AGBL4: variants seen among roughly 807,000 people sequenced by gnomAD.
The protein encoded by AGBL4 is cytosolic carboxypeptidase 6.
In AGBL4, 58 loss-of-function variants were observed where a neutral mutation model predicts 66.4. The observed-to-expected ratio is 0.87, with a 90% CI of 0.71 to 1.09. The LOEUF is 1.09. Among genes scored for constraint, AGBL4 ranks in the 50% least tolerant of loss-of-function variants. The pLI, the probability that AGBL4 is intolerant of heterozygous loss-of-function variation, is 0.00. For synonymous variants in AGBL4, 234 were observed against 222.9 expected (o/e 1.05, Z -0.44); for missense variants, 579 against 631.0 (o/e 0.92, Z 0.88).
At chr1:49,456,718 C>T (rs1041923814) in intron 3 of AGBL4, among the ~76,000 whole-genome samples, 2 of 151,544 alleles carry the variant, frequency 1.3e-5, no homozygotes, top group Admixed American at 6.6e-5. Context: ...TTTTATCCCT[C>T]GCCCCGCTCC....
intron 4 of AGBL4, among the ~76,000 whole-genome samples, chr1:49,093,303 C>T (rs963069026): frequency 7.9e-5 from 12 of 152,084 alleles, no homozygotes; most frequent in African/African-American, 1.7e-4. Flanking sequence ...AACAACACAA[C>T]GCATCTTGAA....
chr1:48,934,648 C>T (rs1655305887), intron 5 of AGBL4, among the ~76,000 whole-genome samples: 1 of 152,164 alleles, frequency 6.6e-6, no homozygotes, highest in Admixed American at 6.5e-5. Flanking sequence ...CACCACCCAC[C>T]TGGTTCCTTA....
chr1:48,966,889 T>C (rs1246198972), intron 5 of AGBL4, among the ~76,000 whole-genome samples: 6 of 152,234 alleles, frequency 3.9e-5, no homozygotes, highest in Admixed American at 6.5e-5. Context: ...CTGTTTATAA[T>C]GGAGTCCAAT....
At chr1:49,622,446 G>A (rs1050561272) in intron 3 of AGBL4, among the ~76,000 whole-genome samples, 1 of 151,158 alleles carries the variant, frequency 6.6e-6, no homozygotes. Flanking sequence ...CGGCTAAAAC[G>A]GTGAAACCCC....
downstream of AGBL4, among the ~76,000 whole-genome samples, chr1:48,528,742 G>A (rs1444228706): frequency 6.6e-6 from 1 of 152,146 alleles, no homozygotes; most frequent in Non-Finnish European, 1.5e-5. Context: ...GGGGAGTCCT[G>A]AATTTCAGCT....
At chr1:49,625,230 T>C (rs572338480) in intron 3 of AGBL4, among the ~76,000 whole-genome samples, 30 of 152,310 alleles carry the variant, frequency 2.0e-4, no homozygotes, top group Non-Finnish European at 3.7e-4. Context: ...CTTATGTATA[T>C]CTTAGCTTAA....
chr1:49,383,597 A>C (rs749304397), intron 3 of AGBL4, among the ~76,000 whole-genome samples: 19 of 152,072 alleles, frequency 1.2e-4, no homozygotes, highest in Non-Finnish European at 2.2e-4. Context: ...ATCCACATGT[A>C]AAAAAATGAG....
chr1:48,715,956 A>C (rs1032290572), intron 6 of AGBL4, among the ~76,000 whole-genome samples: 1 of 152,124 alleles, frequency 6.6e-6, no homozygotes, highest in Non-Finnish European at 1.5e-5. Flanking sequence ...GGTGAGCTAC[A>C]TCCCTTGAGG....
intron 9 of AGBL4, among the ~76,000 whole-genome samples, chr1:48,630,255 C>T (rs1437630846): frequency 6.6e-6 from 1 of 152,196 alleles, no homozygotes; most frequent in East Asian, 1.9e-4. Context: ...GGAAAGCAGC[C>T]TTTGAAGTCA....
intron 1 of AGBL4, among the ~76,000 whole-genome samples, chr1:49,889,086 T>C (rs945320731): frequency 6.6e-6 from 1 of 152,210 alleles, no homozygotes; most frequent in Admixed American, 6.5e-5. Context: ...ACAAACTACA[T>C]ACTACACAAG....
intron 6 of AGBL4, among the ~76,000 whole-genome samples, chr1:48,814,811 G>T (rs1646137297): frequency 6.6e-6 from 1 of 151,542 alleles, no homozygotes; most frequent in East Asian, 1.9e-4. Context: ...TTCATCTGTT[G>T]TTGGACACCT....
intron 1 of AGBL4, among the ~76,000 whole-genome samples, chr1:49,878,314 T>G (rs1647091615): frequency 1.3e-5 from 2 of 150,272 alleles, no homozygotes; most frequent in South Asian, 4.3e-4. Context: ...TAAATTTCCC[T>G]CTACACACTG....
intron 3 of AGBL4, among the ~76,000 whole-genome samples, chr1:49,638,403 T>C (rs1286072243): frequency 6.6e-6 from 1 of 152,214 alleles, no homozygotes; most frequent in Non-Finnish European, 1.5e-5. Flanking sequence ...AAGTTATGCA[T>C]AATTTTCTAT....
At chr1:48,995,946 T>G (rs1043326638) in intron 5 of AGBL4, among the ~76,000 whole-genome samples, 4 of 152,130 alleles carry the variant, frequency 2.6e-5, no homozygotes, top group Admixed American at 6.5e-5. Flanking sequence ...GGGAGACCAG[T>G]CAAGGCTATT....
chr1:49,554,882 GT>G (rs1653287174), intron 3 of AGBL4, among the ~76,000 whole-genome samples: 1 of 152,108 alleles, frequency 6.6e-6, no homozygotes, highest in Non-Finnish European at 1.5e-5. Flanking sequence ...GTCTGGAGTT[GT>G]TCGTTCCTTC....
chr1:49,185,476 C>G (rs1647000214), intron 4 of AGBL4, among the ~76,000 whole-genome samples: 1 of 152,178 alleles, frequency 6.6e-6, no homozygotes, highest in African/African-American at 2.4e-5. Flanking sequence ...AACCCTCCTT[C>G]CCTTTCACCA....
chr1:48,729,674 C>T (rs576166908), intron 6 of AGBL4, among the ~76,000 whole-genome samples: 157 of 152,182 alleles, frequency 1.0e-3, no homozygotes, highest in Non-Finnish European at 1.7e-3. Flanking sequence ...TGAGCCCTTC[C>T]CTGGGCACAG....
chr1:49,870,729 A>C (rs1387311562), intron 1 of AGBL4, among the ~76,000 whole-genome samples: 29 of 152,088 alleles, frequency 1.9e-4, no homozygotes, highest in Admixed American at 1.7e-3. Flanking sequence ...TAAGCACATG[A>C]AAAGATATTC....
chr1:49,603,690 C>T (rs924613021), intron 3 of AGBL4, among the ~76,000 whole-genome samples: 1 of 152,132 alleles, frequency 6.6e-6, no homozygotes, highest in East Asian at 1.9e-4. Context: ...TTATACCCAA[C>T]AGGTAGTTTT....
Sources: gnomAD v4.1 joint callset for allele counts (sites outside exome capture counted in the v4.1 genomes callset) on GRCh38, gnomAD v4.1.1 for gene constraint, MANE v1.5 for transcripts, NCBI Gene and HGNC (gene_info 2026-07-23, HGNC 2026-07-21) for gene names.